ZNF221: variants seen among roughly 807,000 people sequenced by gnomAD.
The protein encoded by ZNF221 is zinc finger protein 221.
Under a neutral mutation model 12.6 loss-of-function variants are expected in ZNF221, and 10 were observed. The ratio of observed to expected loss-of-function variants is 0.79; its 90% CI spans 0.49 to 1.34. The LOEUF (loss-of-function observed/expected upper bound fraction) is 1.34. Ranked by LOEUF, ZNF221 falls within the 40% of genes most tolerant of loss-of-function variation. ZNF221 has a pLI of 0.00. For missense variants in ZNF221, 661 were observed against 721.4 expected, an observed-to-expected ratio of 0.92 and a Z score of 0.96; for synonymous variants, 232 against 244.0, an observed-to-expected ratio of 0.95 and a Z score of 0.46.
the ZNF221 span, chr19:43,978,703 T>G: frequency 6.6e-6 from 1 of 152,152 alleles, no homozygotes; most frequent in Non-Finnish European, 1.5e-5. Flanking sequence ...TGGCCAGTAT[T>G]TCTTGCCACT....
At position 43,964,239 on chromosome 19, in the gene ZNF221, T is replaced by C. The variant is rs1213086502; in HGVS notation, c.82-711T>C. Among the ~76,000 whole-genome samples the C allele has an allele frequency of 2.0e-5, 3 of 152,190 alleles. No homozygotes were observed. In the East Asian group the frequency reaches 5.8e-4, roughly 29 times the overall value. Reference sequence around the variant, plus strand: ...TTGCCACACAGTTTTCCCAATGCTATATATATTTCCTTCTTTAATCCTTGA... The same window carrying C: ...TTGCCACACAGTTTTCCCAATGCTACATATATTTCCTTCTTTAATCCTTGA... On this transcript the variant is annotated intron_variant, in intron 2 of 4. Coordinates refer to ENST00000587682, the MANE Select transcript of ZNF221 (RefSeq NM_001297588.2).
At chr19:43,975,482 G>C in the ZNF221 span, among the ~76,000 whole-genome samples, 1 of 152,152 alleles carries the variant, frequency 6.6e-6, no homozygotes, top group Non-Finnish European at 1.5e-5. Context: ...AGTGGGAGCT[G>C]AATGATGAGA....
the ZNF221 span, among the ~76,000 whole-genome samples, chr19:43,975,577 A>ATGGATGC: frequency 6.6e-6 from 1 of 152,160 alleles, no homozygotes; most frequent in Non-Finnish European, 1.5e-5. Context: ...AGAATAGCTA[A>ATGGATGC]TGGATGCTGT....
Position 43,962,808 on chromosome 19 carries a change from G to A in ZNF221, c.81+1G>A. On this transcript the variant is annotated splice_donor_variant, in intron 2 of 4. Transcript: ENST00000587682. LOFTEE classifies it high-confidence loss of function. Reference sequence around the variant, plus strand: ...AGAAGGAAAAATGACCACATTCAAAGTGAGTAGGGCTTGCCTCTCTTGCTG... The same window carrying A: ...AGAAGGAAAAATGACCACATTCAAAATGAGTAGGGCTTGCCTCTCTTGCTG... The A allele has an allele frequency of 6.2e-7, 1 of 1,613,056 alleles. No individual in the cohort carries two copies. Among genetic ancestry groups the A allele is most frequent in the Non-Finnish European group, 8.5e-7 (1 of 1,179,250 alleles).
At chr19:43,970,618 A>AAT (rs767544933), downstream of ZNF221, among the ~76,000 whole-genome samples, 2 of 152,226 alleles carry the variant, frequency 1.3e-5, no homozygotes, top group Non-Finnish European at 2.9e-5. Flanking sequence ...TTAACAATGC[A>AAT]ATCACAAGTA....
intron 1 of ZNF221, among the ~76,000 whole-genome samples, chr19:43,952,152 C>T (rs1974683448): frequency 6.6e-6 from 1 of 151,772 alleles, no homozygotes; most frequent in Non-Finnish European, 1.5e-5. Flanking sequence ...GGATTACAGG[C>T]GTGAGCCACC....
At chr19:43,975,070 A>G in the ZNF221 span, among the ~76,000 whole-genome samples, 3 of 152,048 alleles carry the variant, frequency 2.0e-5, no homozygotes, top group African/African-American at 7.2e-5. Flanking sequence ...AGTTGGGGAG[A>G]AAAAGGAATG....
At chr19:43,969,017 AG>A (rs1975039670), downstream of ZNF221, among the ~76,000 whole-genome samples, 1 of 152,196 alleles carries the variant, frequency 6.6e-6, no homozygotes, top group African/African-American at 2.4e-5. Context: ...ATTCCTGGCA[AG>A]GTGGCAGATT....
the ZNF221 span, among the ~76,000 whole-genome samples, chr19:43,973,376 G>A: frequency 0.97 from 147,349 of 152,238 alleles, 71,489 homozygotes; most frequent in Middle Eastern, 1. Context: ...CCCCACTCCT[G>A]TTCAACACAG....
intron 1 of ZNF221, among the ~76,000 whole-genome samples, chr19:43,956,680 G>T (rs1204492855): frequency 6.6e-6 from 1 of 152,114 alleles, no homozygotes; most frequent in Admixed American, 6.5e-5. Flanking sequence ...TCTCCAAACT[G>T]GAGTAAATAC....
chr19:43,974,681 A>G, the ZNF221 span, among the ~76,000 whole-genome samples: 2 of 151,862 alleles, frequency 1.3e-5, no homozygotes, highest in African/African-American at 2.4e-5. Context: ...CAAAACCACA[A>G]TGAGATACTG....
chr19:43,977,869 G>A, the ZNF221 span, among the ~76,000 whole-genome samples: 12 of 152,112 alleles, frequency 7.9e-5, no homozygotes, highest in Non-Finnish European at 1.6e-4. Context: ...ACCACCTCTG[G>A]GTTCTGTGAT....
rs148847895 is a variant in ZNF221 at position 43,966,125 on chromosome 19, G to C, written c.623G>C (p.Cys208Ser). Residue 208 changes from cysteine to serine, a missense_variant, in exon 5 of 5, where the codon TGT becomes TCT. Cys to Ser is a moderately radical substitution (Grantham distance 112, BLOSUM62 -1). Transcript: ENST00000587682. ...TGTGGTGAGTGTGGAAAAAGCTTCT[G>C]TTACAGCCCAGCCCTTCATATTCAT... Reference protein sequence around the residue: ...HTCGECGKSFCYSPALHIHQR... With the variant: ...HTCGECGKSFSYSPALHIHQR... 9.3e-6 allele frequency: 15 copies of C among 1,614,196 alleles called. No homozygotes were observed. Among genetic ancestry groups the C allele is most frequent in the Non-Finnish European group, 1.3e-5 (15 of 1,180,036 alleles).
intron 1 of ZNF221, among the ~76,000 whole-genome samples, chr19:43,953,573 T>C (rs1432225851): frequency 1.3e-5 from 2 of 152,144 alleles, no homozygotes; most frequent in Non-Finnish European, 2.9e-5. Flanking sequence ...ATGCCTTTAC[T>C]CTCTAACCAT....
intron 1 of ZNF221, among the ~76,000 whole-genome samples, chr19:43,956,527 A>AC (rs1974756862): frequency 6.6e-6 from 1 of 150,582 alleles, no homozygotes; most frequent in Non-Finnish European, 1.5e-5. Flanking sequence ...TATGCGAAAC[A>AC]CTGAGAGTCA....
At chr19:43,952,893 A>T (rs888601498) in intron 1 of ZNF221, among the ~76,000 whole-genome samples, 2 of 152,214 alleles carry the variant, frequency 1.3e-5, no homozygotes, top group Non-Finnish European at 2.9e-5. Context: ...AAATACGACA[A>T]GAAAAAAAGC....
At position 43,966,447 on chromosome 19, in the gene ZNF221, TG is replaced by T. The variant is rs143754177; in HGVS notation, c.947del (p.Gly316ValfsTer46). Reference protein sequence around the residue: ...GEKPFKCDICGKSFRVRSRLN... With the variant: ...GEKPFKCDICXKSFRVRSRLN... ...AGAAGCCATTCAAATGTGATATATG[TG>T]GTAAGAGCTTCCGTGTTAGATCAAG... On this transcript the variant is annotated frameshift_variant, in exon 5 of 5. Transcript: ENST00000587682. LOFTEE classifies it low-confidence loss of function (END_TRUNC). 1.1e-4 allele frequency: 183 copies of T among 1,614,152 alleles called. 1 individual carries two copies. The African/African-American group carries it at 2.2e-3, about 20-fold the overall frequency.
the ZNF221 span, among the ~76,000 whole-genome samples, chr19:43,976,239 A>G: frequency 3.3e-5 from 5 of 151,874 alleles, no homozygotes; most frequent in Admixed American, 2.0e-4. Context: ...TACATTGACA[A>G]AAATTTTTCT....
In ZNF221 at chr19:43,967,177, G is replaced by A. The variant is rs1974989116; in HGVS notation, c.1675G>A (p.Glu559Lys). 6.3e-7 allele frequency: 1 copy of A among 1,593,546 alleles called. No homozygotes were observed. The change falls in exon 5 of 5, where the codon GAG (glutamate) becomes AAG (lysine). Residue 559 changes from glutamate (E) to lysine (K), a missense_variant. Coordinates refer to ENST00000587682, the MANE Select transcript of ZNF221 (RefSeq NM_001297588.2). ...LDMHQRVHGGERPYNCKECGK... is the reference protein window; with the variant it reads ...LDMHQRVHGGKRPYNCKECGK... Reference sequence around the variant, plus strand: ...CATGCACCAGAGGGTCCACGGGGGAGAGCGACCCTATAATTGTAAGGAATG... The same window carrying A: ...CATGCACCAGAGGGTCCACGGGGGAAAGCGACCCTATAATTGTAAGGAATG...
Sources: allele counts gnomAD v4.1 joint callset (sites outside exome capture counted in the v4.1 genomes callset), GRCh38; gene constraint gnomAD v4.1.1; transcripts MANE v1.5; gene names NCBI Gene and HGNC (gene_info 2026-07-23, HGNC 2026-07-21).